IL1RL2: variants seen among roughly 807,000 people sequenced by gnomAD.
IL1RL2 encodes the protein interleukin 1 receptor like 2, also known as interleukin-1 receptor-like 2.
Under a neutral mutation model 66.8 loss-of-function variants are expected in IL1RL2, and 68 were observed. The ratio of observed to expected loss-of-function variants is 1.02; its 90% confidence interval spans 0.84 to 1.25. The LOEUF (loss-of-function observed/expected upper bound fraction) is 1.25, where lower values mean the gene tolerates loss of function less well. IL1RL2 is among the 50% of genes most tolerant of loss of function. The pLI is 0.00. For missense variants in IL1RL2, 729 were observed against 709.3 expected, an observed-to-expected ratio of 1.03 and a Z score of -0.32; for synonymous variants, 305 against 264.6, an observed-to-expected ratio of 1.15 and a Z score of -1.48.
intron 3 of IL1RL2, among the ~76,000 whole-genome samples, chr2:102,191,195 C>T (rs577640818): frequency 2.0e-5 from 3 of 152,210 alleles, no homozygotes; most frequent in Non-Finnish European, 4.4e-5. Context: ...TGCCTTAGCC[C>T]TTAATCATCA....
intron 9 of IL1RL2, among the ~76,000 whole-genome samples, chr2:102,227,021 T>C (rs1424969576): frequency 6.6e-6 from 1 of 152,252 alleles, no homozygotes; most frequent in Non-Finnish European, 1.5e-5. Flanking sequence ...TGCCTCAGTG[T>C]GATCCTGACT....
intron 5 of IL1RL2, among the ~76,000 whole-genome samples, chr2:102,207,682 AAGGTGTGC>A (rs201957135): frequency 0.024 from 3,689 of 152,082 alleles, 61 homozygotes; most frequent in Non-Finnish European, 0.035. Flanking sequence ...TTATAGCTGC[AAGGTGTGC>A]AGTCTGGGGT....
In IL1RL2 at chr2:102,195,574, T is replaced by C. The variant is rs987628138; in HGVS notation, c.489+3454T>C. ...TTCTTTCTTTCTCTTTCTTTCTTTC[T>C]TTCTTTCTTTCTTTCTTTCTTTCTT... On this transcript the variant is annotated intron_variant, in intron 4 of 11. Transcript: ENST00000264257. 0.011 allele frequency among the ~76,000 whole-genome samples: 159 copies of C among 14,516 alleles called. 9 individuals carry two copies. In the East Asian group the frequency reaches 0.21, roughly 19 times the overall value. The allele number at this position is 14,516 out of a possible 152,430, so 9.5% of individuals were successfully genotyped here.
chr2:102,207,765 A>C (rs916738917), intron 5 of IL1RL2, among the ~76,000 whole-genome samples: 1 of 152,172 alleles, frequency 6.6e-6, no homozygotes, highest in African/African-American at 2.4e-5. Context: ...GGTATATTGC[A>C]TGTCCCACTC....
chr2:102,210,554 G>C (rs1689084312), intron 5 of IL1RL2, among the ~76,000 whole-genome samples: 1 of 152,196 alleles, frequency 6.6e-6, no homozygotes, highest in African/African-American at 2.4e-5. Context: ...TGTCATTGAA[G>C]ATGGAGAGAT....
chr2:102,239,114 T>G, intron 11 of IL1RL2, 78 bp from the exon 12 acceptor site: 1 of 1,332,460 alleles, frequency 7.5e-7, no homozygotes, highest in Non-Finnish European at 1.1e-6. Context: ...GTTTTCGCAT[T>G]CCCATGGCAG....
At chr2:102,195,645 C>CTCTCTTCCTTTCTT (rs1559530440) in intron 4 of IL1RL2, among the ~76,000 whole-genome samples, 1 of 20,236 alleles carries the variant, frequency 4.9e-5, no homozygotes, top group African/African-American at 1.1e-4. Context: ...CTCTCTCTCT[C>CTCTCTTCCTTTCTT]TCTTTCTTTC....
At chr2:102,238,397 T>G (rs1430797799) in intron 11 of IL1RL2, among the ~76,000 whole-genome samples, 1 of 152,134 alleles carries the variant, frequency 6.6e-6, no homozygotes, top group Non-Finnish European at 1.5e-5. Flanking sequence ...GATGAAGATA[T>G]ACATGTGAAA....
intron 1 of IL1RL2, 68 bp from the exon 2 acceptor site, chr2:102,187,788 C>T (rs979171179): frequency 2.2e-6 from 3 of 1,371,672 alleles, no homozygotes; most frequent in African/African-American, 1.4e-5. Flanking sequence ...TCCGAGGTCG[C>T]CCACGCCGGC....
At chr2:102,211,769 A>C (rs1422019423) in intron 5 of IL1RL2, among the ~76,000 whole-genome samples, 2 of 152,214 alleles carry the variant, frequency 1.3e-5, no homozygotes, top group African/African-American at 4.8e-5. Context: ...GCCTTTGTCT[A>C]TAGCCACTGC....
chr2:102,219,301 A>G (rs1689887733), intron 7 of IL1RL2, among the ~76,000 whole-genome samples: 1 of 152,188 alleles, frequency 6.6e-6, no homozygotes, highest in Admixed American at 6.5e-5. Flanking sequence ...AATTAGTCCC[A>G]TTTCCATTCA....
At chr2:102,212,288 G>C in intron 6 of IL1RL2, 114 bp downstream of exon 6, 1 of 731,858 alleles carries the variant, frequency 1.4e-6, no homozygotes, top group Non-Finnish European at 2.3e-6. Context: ...TACACACCCA[G>C]TTTCCAGCTT....
rs763472146 is a variant in IL1RL2, at chr2:102,187,809, C to G, written c.-12-47C>G. The G allele has an allele frequency of 2.6e-6, 4 of 1,518,666 alleles. No individual in the cohort carries two copies. The East Asian group carries it at 9.0e-5, about 34-fold the overall frequency. 94.1% of individuals were successfully genotyped at this position (1,518,666 alleles called of 1,614,324 possible). On this transcript the variant is annotated intron_variant, in intron 1 of 11. Coordinates refer to ENST00000264257, the MANE Select transcript of IL1RL2 (RefSeq NM_003854.4). ...GTCGCCCACGCCGGCGCCTCGGGCC[C>G]GCCCTACTGCGTCCTCCCCTCCCAC...
chr2:102,228,033 C>T (rs1578186395), intron 9 of IL1RL2, among the ~76,000 whole-genome samples: 1 of 152,192 alleles, frequency 6.6e-6, no homozygotes, highest in Non-Finnish European at 1.5e-5. Context: ...GAGACTGGGA[C>T]GCAGCCCAGA....
At chr2:102,237,396 C>A (rs1674978712) in intron 11 of IL1RL2, among the ~76,000 whole-genome samples, 1 of 152,224 alleles carries the variant, frequency 6.6e-6, no homozygotes, top group South Asian at 2.1e-4. Flanking sequence ...GTCTCACATG[C>A]ACTCCGCAGA....
chr2:102,200,825 G>C (rs1304582759), intron 4 of IL1RL2, among the ~76,000 whole-genome samples: 6 of 152,116 alleles, frequency 3.9e-5, no homozygotes, highest in Non-Finnish European at 5.9e-5. Context: ...CTGGTCTTCT[G>C]GTTGGTTGGG....
At chr2:102,231,015 G>C (rs1691076727) in intron 9 of IL1RL2, among the ~76,000 whole-genome samples, 1 of 152,154 alleles carries the variant, frequency 6.6e-6, no homozygotes, top group African/African-American at 2.4e-5. Context: ...AAAGGAAATA[G>C]AAAAGGACAC....
intron 2 of IL1RL2, among the ~76,000 whole-genome samples, chr2:102,188,706 G>A (rs967455086): frequency 6.6e-6 from 1 of 151,898 alleles, no homozygotes; most frequent in Non-Finnish European, 1.5e-5. Flanking sequence ...TAAAATAACT[G>A]GGTGGCAGAG....
chr2:102,238,350 C>T (rs1245566536), intron 11 of IL1RL2, among the ~76,000 whole-genome samples: 2 of 152,140 alleles, frequency 1.3e-5, no homozygotes, highest in African/African-American at 4.8e-5. Flanking sequence ...AATAAAGGGA[C>T]CGGGAAGGTG....
Sources: allele counts gnomAD v4.1 joint callset (sites outside exome capture counted in the v4.1 genomes callset), GRCh38; gene constraint gnomAD v4.1.1; transcripts MANE v1.5; gene names NCBI Gene and HGNC (gene_info 2026-07-23, HGNC 2026-07-21).